IGDCC3: variants seen among roughly 807,000 people sequenced by gnomAD.
IGDCC3 encodes immunoglobulin superfamily DCC subclass member 3.
A neutral mutation model predicts 72.0 loss-of-function variants in IGDCC3; 47 were observed. That is an observed-to-expected ratio of 0.65 (90% CI 0.52 to 0.83). The LOEUF is 0.83. IGDCC3 is among the 40% of genes least tolerant of loss of function. IGDCC3 has a pLI of 0.00. For synonymous variants in IGDCC3, 477 were observed against 472.8 expected (o/e 1.01, Z -0.11); for missense variants, 1,038 against 1,091.3 (o/e 0.95, Z 0.69).
At position 65,353,855 on chromosome 15, in the gene IGDCC3, C is replaced by A. The variant is rs377536748; in HGVS notation, c.410-17899G>T. ...ATCAAGAAATAACCATAAAAATGGG[C>A]AACCAGTAGCCCTCAGGGCCGCTCT... On this transcript the variant is annotated intron_variant, in intron 2 of 13. Transcript: ENST00000327987. Among the ~76,000 whole-genome samples, 5 of 152,304 alleles carry A rather than the reference C, an allele frequency of 3.3e-5. No homozygotes were observed. The South Asian group carries it at 8.3e-4, about 25-fold the overall frequency.
At chr15:65,349,796 T>C (rs751443924) in intron 2 of IGDCC3, among the ~76,000 whole-genome samples, 3 of 152,194 alleles carry the variant, frequency 2.0e-5, no homozygotes, top group African/African-American at 7.2e-5. Flanking sequence ...AAAAATCATA[T>C]TAAATAGTTA....
At chr15:65,361,284 A>AAT (rs1170603604) in intron 2 of IGDCC3, among the ~76,000 whole-genome samples, 23 of 139,400 alleles carry the variant, frequency 1.6e-4, no homozygotes, top group African/African-American at 7.7e-4. Context: ...TAATAATAAT[A>AAT]AAAAAACATT....
At position 65,330,612 on chromosome 15, in the gene IGDCC3, G is replaced by C; in HGVS notation, c.1691C>G (p.Thr564Ser). 1 of 1,613,856 alleles carries C rather than the reference G, an allele frequency of 6.2e-7. No individual in the cohort carries two copies. Among genetic ancestry groups the C allele is most frequent in the Middle Eastern group, 1.7e-4 (1 of 5,812 alleles). ...CAGCAGGATGGGGCCGGTGAAGGAG[G>C]TCTTGCTTGCTGGGCGGTAAAACAG... ...FKLFYRPASK[T>S]SFTGPILLPG... Residue 564 changes from threonine to serine, a missense_variant, in exon 10 of 14, where the codon ACC becomes AGC. Physicochemically the swap from Thr to Ser is moderately conservative, Grantham distance 58. Transcript: ENST00000327987.
At chr15:65,356,444 G>A (rs1275618955) in intron 2 of IGDCC3, 1 of 152,182 alleles carries the variant, frequency 6.6e-6, no homozygotes, top group African/African-American at 2.4e-5. Context: ...GGAGGCCACT[G>A]TTTTGACCGA....
Position 65,328,737 on chromosome 15 carries a change from CG to C in IGDCC3, c.*171del. 3.2e-5 allele frequency: 23 copies of C among 716,846 alleles called. No individual in the cohort carries two copies. Among genetic ancestry groups the C allele is most frequent in the South Asian group, 3.8e-5 (1 of 26,124 alleles). 44.4% of individuals were successfully genotyped at this position (716,846 alleles called of 1,614,324 possible). On this transcript the variant is annotated 3_prime_UTR_variant, in exon 14 of 14. Coordinates refer to ENST00000327987, the MANE Select transcript of IGDCC3 (RefSeq NM_004884.4). Reference sequence around the variant, plus strand: ...TCCAACTCCTGATGGGTGTTAGGGCCGGGGGGTCCCTGTCAAGGCTGCCTTG... The same window carrying C: ...TCCAACTCCTGATGGGTGTTAGGGCCGGGGGTCCCTGTCAAGGCTGCCTTG...
Position 65,375,319 on chromosome 15 carries a change from A to C in IGDCC3, c.187T>G (p.Cys63Gly). The C allele has an allele frequency of 6.2e-7, 1 of 1,614,088 alleles. No individual in the cohort carries two copies. Among genetic ancestry groups the C allele is most frequent in the Non-Finnish European group, 8.5e-7 (1 of 1,179,998 alleles). ...ACTGGAGGGGTCCCCTCCACCCTGC[A>C]GTCCAGCACTATAGGCTGCCCGGGG... is the stretch of plus-strand genomic sequence containing the variant. ...AVPGQPIVLD[C>G]RVEGTPPVRI... The change falls in exon 2 of 14, where the codon TGC becomes GGC. Residue 63 changes from cysteine (C) to glycine (G), a missense_variant. Physicochemically the swap from Cys to Gly is radical, Grantham distance 159. Transcript: ENST00000327987.
In IGDCC3 at chr15:65,377,617, C is replaced by T. The variant is rs961234973; in HGVS notation, c.103+69G>A. On this transcript the variant is annotated intron_variant, in intron 1 of 13. Transcript: ENST00000327987. This position sits in a 1 kb window ranked among gnomAD's most constrained non-coding sequence, Gnocchi z 4.9. ...TCTCCCCGGGTCCGCCCCTCGCGCC[C>T]GCTCCCTCCCTGCTCGCCCTTCCCC... The T allele has an allele frequency of 7.5e-7, 1 of 1,327,492 alleles. No homozygotes were observed. The highest frequency in any genetic ancestry group is 9.6e-7 in the Non-Finnish European group (1 of 1,039,728). The allele number at this position is 1,327,492 out of a possible 1,614,324, so 82.2% of individuals were successfully genotyped here. A position where few individuals can be genotyped will look rare whatever the true frequency, so the allele number is the denominator to read the frequency against.
chr15:65,348,620 C>T (rs1190516957), intron 2 of IGDCC3, among the ~76,000 whole-genome samples: 1 of 152,112 alleles, frequency 6.6e-6, no homozygotes, highest in Non-Finnish European at 1.5e-5. Flanking sequence ...TAGAGTCTCT[C>T]CAAGACAGAG....
chr15:65,334,648 C>G, intron 5 of IGDCC3, 80 bp downstream of exon 5: 3 of 1,227,154 alleles, frequency 2.4e-6, no homozygotes, highest in South Asian at 1.6e-5. Context: ...TCCCCTGGAG[C>G]TGGGTGAGGA....
chr15:65,358,216 C>T (rs569520828), intron 2 of IGDCC3, among the ~76,000 whole-genome samples: 5 of 152,030 alleles, frequency 3.3e-5, no homozygotes, highest in African/African-American at 1.2e-4. Flanking sequence ...AGCGATCCTC[C>T]CACCTCAGCT....
chr15:65,371,737 C>T lies in IGDCC3; in HGVS notation c.409+3360G>A, dbSNP rs1269393915. On this transcript the variant is annotated intron_variant, in intron 2 of 13. Coordinates refer to ENST00000327987, the MANE Select transcript of IGDCC3 (RefSeq NM_004884.4). Reference sequence around the variant, plus strand: ...GCAGGGATTGAGGGTGGCAGGGACTCGGGGTAGGTCCCCCATCCTCCTCCC... The same window carrying T: ...GCAGGGATTGAGGGTGGCAGGGACTTGGGGTAGGTCCCCCATCCTCCTCCC... Among the ~76,000 whole-genome samples the T allele has an allele frequency of 8.5e-5, 13 of 152,270 alleles. No homozygotes were observed. In the South Asian group the frequency reaches 1.9e-3, roughly 22 times the overall value.
Position 65,375,187 on chromosome 15 carries a change from C to T in IGDCC3, c.319G>A (p.Gly107Ser), listed in dbSNP as rs552631320. 11 of 1,614,240 alleles carry T rather than the reference C, an allele frequency of 6.8e-6. No homozygotes were observed. In the African/African-American group the frequency reaches 8.0e-5, roughly 12 times the overall value. ...TAGTCACCTTCATCCGAAGGGCTGC[C>T]TCCCGGCTCCAGCCTGAAGTGACGG... ...MIRHFRLEPG[G>S]SPSDEGDYEC... Residue 107 changes from glycine (G) to serine (S), a missense_variant, in exon 2 of 14, where the codon GGC becomes AGC. Gly to Ser is a moderately conservative substitution (Grantham distance 56). Transcript: ENST00000327987.
At chr15:65,348,961 G>A (rs2091149690) in intron 2 of IGDCC3, among the ~76,000 whole-genome samples, 1 of 152,206 alleles carries the variant, frequency 6.6e-6, no homozygotes, top group South Asian at 2.1e-4. Flanking sequence ...TCAACTGACA[G>A]CAGCCACCTG....
At chr15:65,345,689 T>C (rs957329470) in intron 2 of IGDCC3, among the ~76,000 whole-genome samples, 1 of 151,960 alleles carries the variant, frequency 6.6e-6, no homozygotes, top group Non-Finnish European at 1.5e-5. Context: ...AGAGCCAGGA[T>C]CTTAGGTCAC....
intron 2 of IGDCC3, among the ~76,000 whole-genome samples, chr15:65,366,926 G>T (rs995531463): frequency 1.3e-5 from 2 of 152,258 alleles, no homozygotes; most frequent in African/African-American, 4.8e-5. Context: ...GGTGAACAAA[G>T]TTGGGGGCAG....
Position 65,335,401 on chromosome 15 carries a change from C to A in IGDCC3, c.575G>T (p.Gly192Val). ...DNERYTLLPKGVLQITGLRAE... is the reference protein window; with the variant it reads ...DNERYTLLPKVVLQITGLRAE... ...TCGAAGTCCTGTGATCTGCAGGACC[C>A]CCTTGGGCAGCAATGTGTACCTGTT... is the stretch of plus-strand genomic sequence containing the variant. Residue 192 changes from glycine to valine, a missense_variant, in exon 4 of 14, where the codon GGG becomes GTG. By Grantham distance (109) the Gly-to-Val change is moderately radical. Transcript: ENST00000327987. The A allele has an allele frequency of 6.2e-7, 1 of 1,612,686 alleles. No homozygotes were observed. The highest frequency in any genetic ancestry group is 8.5e-7 in the Non-Finnish European group (1 of 1,179,334).
chr15:65,361,449 CG>C, intron 2 of IGDCC3, among the ~76,000 whole-genome samples: 1 of 146,468 alleles, frequency 6.8e-6, no homozygotes, highest in African/African-American at 2.5e-5. Context: ...AAGACCCTGT[CG>C]AAAAAAAAAA....
At position 65,377,947 on chromosome 15, in the gene IGDCC3, G is replaced by C. The variant is rs1351198376; in HGVS notation, c.-159C>G. On this transcript the variant is annotated 5_prime_UTR_variant, in exon 1 of 14. Coordinates refer to ENST00000327987, the MANE Select transcript of IGDCC3 (RefSeq NM_004884.4). The surrounding 1 kb of genome is among the most constrained non-coding windows in gnomAD (Gnocchi z 4.9). ...GGCCGCATGCCTGCTCAGCAGCGCG[G>C]GGGGCGCAGGGGGAGCGCCGCTTGC... is the stretch of plus-strand genomic sequence containing the variant. 1.7e-6 allele frequency: 1 copy of C among 582,786 alleles called. No individual in the cohort carries two copies. The highest frequency in any genetic ancestry group is 2.0e-5 in the African/African-American group (1 of 49,602). The allele number at this position is 582,786 out of a possible 1,614,324, so 36.1% of individuals were successfully genotyped here.
intron 2 of IGDCC3, among the ~76,000 whole-genome samples, chr15:65,337,452 ATCAC>A (rs2141038670): frequency 6.6e-6 from 1 of 152,130 alleles, no homozygotes; most frequent in South Asian, 2.1e-4. Context: ...CAGGTAATCA[ATCAC>A]ACACATCCCC....
Sources: allele counts gnomAD v4.1 joint callset (sites outside exome capture counted in the v4.1 genomes callset), GRCh38; gene constraint gnomAD v4.1.1; non-coding constraint Gnocchi (gnomAD v3.1); transcripts MANE v1.5; gene names NCBI Gene and HGNC (gene_info 2026-07-23, HGNC 2026-07-21).